Variants in WNT7B observed in about 807,000 individuals in gnomAD.
WNT7B encodes the protein Wnt family member 7B.
Under a neutral mutation model 38.2 loss-of-function variants are expected in WNT7B, and 19 were observed. The observed-to-expected ratio is 0.50, with a 90% CI of 0.35 to 0.73. The LOEUF is 0.73. WNT7B is among the 30% of genes least tolerant of loss of function. The pLI is 0.01. For missense variants in WNT7B, 423 were observed against 507.9 expected, an observed-to-expected ratio of 0.83 and a Z score of 1.61; for synonymous variants, 243 against 209.3, an observed-to-expected ratio of 1.16 and a Z score of -1.39.
At chr22:45,936,705 G>T (rs1486894759) in intron 2 of WNT7B, among the ~76,000 whole-genome samples, 1 of 152,268 alleles carries the variant, frequency 6.6e-6, no homozygotes, top group Non-Finnish European at 1.5e-5. Flanking sequence ...GATGTCCAGG[G>T]AAGGGGGTGT....
At chr22:45,952,263 G>A (rs28446149) in intron 1 of WNT7B, among the ~76,000 whole-genome samples, 11,353 of 152,264 alleles carry the variant, frequency 0.075, 993 homozygotes, top group African/African-American at 0.22. Flanking sequence ...CAGGGCGGCC[G>A]AGCACCCACA....
chr22:45,948,183 G>A (rs866422047), intron 2 of WNT7B, among the ~76,000 whole-genome samples: 20 of 152,346 alleles, frequency 1.3e-4, no homozygotes, highest in Middle Eastern at 3.4e-3. Context: ...ACCCACAGCT[G>A]CCTCTGAGCC....
rs1000304911 is a variant in WNT7B at position 45,976,045 on chromosome 22, C to CGGGCCCA, written c.71+632_71+638dup. The CGGGCCCA allele has an allele frequency of 3.5e-4, 51 of 145,332 alleles. No homozygotes were observed. The South Asian group carries it at 5.7e-3, about 16-fold the overall frequency. 9.0% of individuals were successfully genotyped at this position (145,332 alleles called of 1,614,324 possible). On this transcript the variant is annotated intron_variant, in intron 1 of 3. Transcript: ENST00000339464. This position sits in a 1 kb window ranked among gnomAD's most constrained non-coding sequence, Gnocchi z 8.5. ...CAGGGGGAGCGCGGCGAGAGGGGGC[C>CGGGCCCA]GGGCCCAGGGCCCAGGGCCCCGGGC...
At chr22:45,925,530 C>CTGGGCGACCCCCAGAGAGTATA in intron 3 of WNT7B, 1 of 985,256 alleles carries the variant, frequency 1.0e-6, no homozygotes, top group Non-Finnish European at 1.2e-6. Context: ...GACTGCGTGT[C>CTGGGCGACCCCCAGAGAGTATA]TGGGCGACCC....
At position 45,922,472 on chromosome 22, in the gene WNT7B, G is replaced by A. The variant is rs919787964; in HGVS notation, c.*384C>T. Reference sequence around the variant, plus strand: ...GGCGTAGCTTTTCTGTGTCCATGCCGCCAGGTGGGGCTGGGGACGCTCAGT... The same window carrying A: ...GGCGTAGCTTTTCTGTGTCCATGCCACCAGGTGGGGCTGGGGACGCTCAGT... On this transcript the variant is annotated 3_prime_UTR_variant, in exon 4 of 4. Transcript: ENST00000339464. 4.4e-5 allele frequency: 9 copies of A among 203,836 alleles called. No homozygotes were observed. Among genetic ancestry groups the A allele is most frequent in the African/African-American group, 1.6e-4 (7 of 43,450 alleles). The allele number at this position is 203,836 out of a possible 1,614,324, so 12.6% of individuals were successfully genotyped here.
intron 2 of WNT7B, among the ~76,000 whole-genome samples, chr22:45,934,947 G>A (rs187519864): frequency 4.6e-5 from 7 of 152,338 alleles, no homozygotes; most frequent in East Asian, 3.9e-4. Context: ...CGCCCGGCAC[G>A]TTGCCTGTGT....
chr22:45,926,834 G>A, intron 3 of WNT7B: 1 of 985,294 alleles, frequency 1.0e-6, no homozygotes, highest in Non-Finnish European at 1.2e-6. Context: ...GGCCGAGAAG[G>A]AGAGTGTGGA....
rs1294702695 is a variant in WNT7B at position 45,965,686 on chromosome 22, G to T, written c.71+10998C>A. Among the ~76,000 whole-genome samples, 1 of 152,178 alleles carries T rather than the reference G, an allele frequency of 6.6e-6. No homozygotes were observed. The highest frequency in any genetic ancestry group is 2.4e-5 in the African/African-American group (1 of 41,438). On this transcript the variant is annotated intron_variant, in intron 1 of 3. Transcript: ENST00000339464. The surrounding 1 kb of genome is among the most constrained non-coding windows in gnomAD (Gnocchi z 6.5). ...GCTCCTGGGTCAGGGGCGAAAGCAG[G>T]ACAAGACCCAGAACAGAAGGCCTCT...
chr22:45,942,999 C>T (rs376192370), intron 2 of WNT7B, among the ~76,000 whole-genome samples: 11 of 139,902 alleles, frequency 7.9e-5, no homozygotes, highest in South Asian at 6.4e-4. Context: ...TGTGTGTAGG[C>T]GTGTATGTGT....
chr22:45,932,996 C>T (rs1182702129), intron 2 of WNT7B, among the ~76,000 whole-genome samples: 1 of 152,246 alleles, frequency 6.6e-6, no homozygotes, highest in African/African-American at 2.4e-5. Flanking sequence ...ACGGCATGCC[C>T]AGCTTTGTGC....
chr22:45,976,190 G>A lies in WNT7B; in HGVS notation c.71+494C>T, dbSNP rs929127536. Among the ~76,000 whole-genome samples, 4 of 146,006 alleles carry A rather than the reference G, an allele frequency of 2.7e-5. No individual in the cohort carries two copies. Among genetic ancestry groups the A allele is most frequent in the Non-Finnish European group, 4.6e-5 (3 of 65,632 alleles). ...ACACGTCTGGGTGATGGATAGAGACGAAGGGCCGCGGCGGGTGCCCCGGCC... is the reference window on the plus strand; with the variant it reads ...ACACGTCTGGGTGATGGATAGAGACAAAGGGCCGCGGCGGGTGCCCCGGCC... On this transcript the variant is annotated intron_variant, in intron 1 of 3. Transcript: ENST00000339464. The surrounding 1 kb of genome is among the most constrained non-coding windows in gnomAD (Gnocchi z 8.5).
chr22:45,922,971 C>T lies in WNT7B; in HGVS notation c.935G>A (p.Gly312Asp). 1.2e-6 allele frequency: 2 copies of T among 1,613,358 alleles called. No individual in the cohort carries two copies. Among genetic ancestry groups the T allele is most frequent in the Non-Finnish European group, 1.7e-6 (2 of 1,179,874 alleles). ...CTTGGTGTACTGGTGGGTGTTGTAG[C>T]CTCGGCCGCAGCACATGGTGTCACA... The part of the protein sequence containing the change: ...DGCDTMCCGR[G>D]YNTHQYTKVW... Residue 312 changes from glycine (G) to aspartate (D), a missense_variant, in exon 4 of 4, where the codon GGC becomes GAC. By Grantham distance (94) the Gly-to-Asp change is moderately conservative (BLOSUM62 -1). Coordinates refer to ENST00000339464, the MANE Select transcript of WNT7B (RefSeq NM_058238.3).
intron 1 of WNT7B, among the ~76,000 whole-genome samples, chr22:45,971,991 T>C (rs1262780094): frequency 1.3e-5 from 2 of 152,154 alleles, no homozygotes; most frequent in Non-Finnish European, 2.9e-5. Context: ...CCTCGGCAGC[T>C]TAGGCTGGCG....
chr22:45,948,843 T>A (rs1305541760), intron 2 of WNT7B, among the ~76,000 whole-genome samples: 6 of 132,546 alleles, frequency 4.5e-5, no homozygotes, highest in African/African-American at 2.2e-4. Context: ...TTTTTTTTTT[T>A]TTTTTTTTTT....
intron 3 of WNT7B, among the ~76,000 whole-genome samples, chr22:45,927,865 C>T (rs1426172381): frequency 2.0e-5 from 3 of 152,214 alleles, no homozygotes; most frequent in Non-Finnish European, 4.4e-5. Context: ...CACTGCACTC[C>T]AGCCTCAGCG....
chr22:45,942,886 T>C (rs1931687626), intron 2 of WNT7B, among the ~76,000 whole-genome samples: 1 of 151,450 alleles, frequency 6.6e-6, no homozygotes, highest in East Asian at 2.0e-4. Context: ...TGTGCATGTA[T>C]GTGCGTGTGT....
At chr22:45,971,275 G>A (rs1209879291) in intron 1 of WNT7B, among the ~76,000 whole-genome samples, 1 of 152,156 alleles carries the variant, frequency 6.6e-6, no homozygotes, top group Non-Finnish European at 1.5e-5. Context: ...GGGAGGGAGA[G>A]CAGGCTCTGA....
At chr22:45,972,255 G>C in intron 1 of WNT7B, 1 of 634,238 alleles carries the variant, frequency 1.6e-6, no homozygotes, top group African/African-American at 1.9e-5. Context: ...CGGCGTGCCT[G>C]GCGGGGCTGA....
chr22:45,967,095 G>T (rs1932328537), intron 1 of WNT7B, among the ~76,000 whole-genome samples: 1 of 152,212 alleles, frequency 6.6e-6, no homozygotes, highest in Non-Finnish European at 1.5e-5. Flanking sequence ...GAAGGGGGGA[G>T]GGAGCGCACC....
Sources: allele counts gnomAD v4.1 joint callset (sites outside exome capture counted in the v4.1 genomes callset), GRCh38; gene constraint gnomAD v4.1.1; non-coding constraint Gnocchi (gnomAD v3.1); transcripts MANE v1.5; gene names NCBI Gene and HGNC (gene_info 2026-07-23, HGNC 2026-07-21).